Variants in RNF32 observed in about 807,000 individuals in gnomAD.
The protein encoded by RNF32 is ring finger protein 32.
A neutral mutation model predicts 41.0 loss-of-function variants in RNF32; 36 were observed. The observed-to-expected ratio is 0.88, with a 90% confidence interval of 0.67 to 1.16. The LOEUF is 1.16. Ranked by LOEUF, RNF32 falls within the 50% of genes most tolerant of loss-of-function variation. The pLI, the probability that RNF32 is intolerant of heterozygous loss-of-function variation, is 0.00. For missense variants in RNF32, 413 were observed against 436.7 expected, an observed-to-expected ratio of 0.95 and a Z score of 0.48; for synonymous variants, 154 against 160.9, an observed-to-expected ratio of 0.96 and a Z score of 0.32.
intron 3 of RNF32, among the ~76,000 whole-genome samples, chr7:156,653,798 G>A (rs752960354): frequency 5.3e-5 from 8 of 152,174 alleles, no homozygotes; most frequent in Non-Finnish European, 7.3e-5. Context: ...TATTCTGACC[G>A]TGATGATACG....
At chr7:156,642,623 G>C (rs1433574525) in intron 1 of RNF32, among the ~76,000 whole-genome samples, 1 of 152,232 alleles carries the variant, frequency 6.6e-6, no homozygotes, top group Non-Finnish European at 1.5e-5. Flanking sequence ...GCTTATTCCA[G>C]TTCAGGGTGG....
At chr7:156,661,294 G>A (rs1487637330) in intron 7 of RNF32, among the ~76,000 whole-genome samples, 1 of 151,366 alleles carries the variant, frequency 6.6e-6, no homozygotes, top group Non-Finnish European at 1.5e-5. Flanking sequence ...GCCAAGAGGG[G>A]GTTCGTTCTG....
intron 7 of RNF32, among the ~76,000 whole-genome samples, chr7:156,662,238 T>C (rs143940463): frequency 6.6e-6 from 1 of 152,298 alleles, no homozygotes; most frequent in African/African-American, 2.4e-5. Flanking sequence ...ACCTCACCAT[T>C]TGATGCTTTT....
At chr7:156,654,294 A>C in intron 3 of RNF32, 1 of 269,406 alleles carries the variant, frequency 3.7e-6, no homozygotes. Flanking sequence ...TAGCACTTGC[A>C]TTAGGAATTA....
chr7:156,665,002 A>T (rs757652211), intron 7 of RNF32, among the ~76,000 whole-genome samples: 6 of 152,218 alleles, frequency 3.9e-5, no homozygotes, highest in Non-Finnish European at 8.8e-5. Context: ...AGCTTCTAGA[A>T]ATCAGATTAA....
chr7:156,646,332 C>A (rs1425320504), intron 3 of RNF32: 2 of 1,031,532 alleles, frequency 1.9e-6, no homozygotes, highest in Non-Finnish European at 2.7e-6. Context: ...CCTAACTTAC[C>A]TTTCCCTGGT....
intron 7 of RNF32, among the ~76,000 whole-genome samples, chr7:156,672,523 A>T (rs1025198410): frequency 6.6e-6 from 1 of 152,188 alleles, no homozygotes. Flanking sequence ...ATTTCCATCT[A>T]AAGTGTTTGA....
At chr7:156,675,969 G>C (rs1803870683) in intron 8 of RNF32, 106 bp downstream of exon 8, 2 of 1,183,476 alleles carry the variant, frequency 1.7e-6, no homozygotes, top group African/African-American at 1.5e-5. Flanking sequence ...GGGGAGCCTA[G>C]GAGTGTCAGG....
At chr7:156,654,339 A>T in intron 3 of RNF32, 1 of 407,462 alleles carries the variant, frequency 2.5e-6, no homozygotes, top group Non-Finnish European at 4.4e-6. Context: ...ATACAGGAGG[A>T]TATGCATGGG....
chr7:156,643,802 A>C lies in RNF32; in HGVS notation c.-76A>C, dbSNP rs1392137683. On this transcript the variant is annotated splice_region_variant and 5_prime_UTR_variant, in exon 2 of 9. Transcript: ENST00000317955. ...TTTCTGTTGACCACGTCTTTGCAGC[A>C]GAAGAATAGAAGGAAGGTGATAGGA... The C allele has an allele frequency of 1.5e-6, 2 of 1,343,796 alleles. No homozygotes were observed. Among genetic ancestry groups the C allele is most frequent in the Non-Finnish European group, 2.1e-6 (2 of 937,822 alleles). 83.2% of individuals were successfully genotyped at this position (1,343,796 alleles called of 1,614,324 possible).
chr7:156,640,360 T>A (rs756279685), upstream of RNF32: 35 of 444,802 alleles, frequency 7.9e-5, no homozygotes, highest in Non-Finnish European at 1.4e-4. Context: ...GGAGCGTGGC[T>A]GCGCCCACAA....
intron 3 of RNF32, among the ~76,000 whole-genome samples, chr7:156,648,149 G>A (rs759705548): frequency 5.3e-5 from 8 of 151,798 alleles, no homozygotes; most frequent in South Asian, 2.1e-4. Flanking sequence ...ATTTTAAACC[G>A]AAAAGTTAGA....
chr7:156,660,352 C>T (rs1000804997), intron 7 of RNF32: 1 of 934,978 alleles, frequency 1.1e-6, no homozygotes, highest in African/African-American at 1.8e-5. Context: ...GCTATTCTAG[C>T]TTGTATATTA....
At chr7:156,649,494 A>C (rs1463701537) in intron 3 of RNF32, among the ~76,000 whole-genome samples, 1 of 151,888 alleles carries the variant, frequency 6.6e-6, no homozygotes, top group Non-Finnish European at 1.5e-5. Flanking sequence ...CCTTAGCCTA[A>C]CACGTTTCAT....
intron 8 of RNF32, chr7:156,676,105 G>T (rs1585140480): frequency 1.3e-6 from 1 of 797,088 alleles, no homozygotes; most frequent in African/African-American, 1.7e-5. Flanking sequence ...ACCTGTGGTA[G>T]GACTTTCCTC....
chr7:156,649,258 T>C (rs1248386938), intron 3 of RNF32, among the ~76,000 whole-genome samples: 2 of 152,204 alleles, frequency 1.3e-5, no homozygotes, highest in East Asian at 3.8e-4. Flanking sequence ...ATTTACAGTG[T>C]TATCATCTGA....
intron 4 of RNF32, among the ~76,000 whole-genome samples, chr7:156,656,142 G>A (rs1366382680): frequency 6.6e-6 from 1 of 152,156 alleles, no homozygotes; most frequent in Non-Finnish European, 1.5e-5. Flanking sequence ...ATTCCGTATA[G>A]TAGGCATTCT....
chr7:156,676,618 G>A lies in RNF32; in HGVS notation c.1052G>A (p.Cys351Tyr). The stretch of plus-strand genomic sequence containing the variant: ...CCTCCTTTCCATGCCTGTCCTCTCT[G>A]CCGCTCCTGCTACCAGAAGAAGATT... ...DRPPFHACPLCRSCYQKKILE... is the reference protein window; with the variant it reads ...DRPPFHACPLYRSCYQKKILE... The change falls in exon 9 of 9, where the codon TGC (cysteine) becomes TAC (tyrosine). Residue 351 changes from cysteine (C) to tyrosine (Y), a missense_variant. By Grantham distance (194) the Cys-to-Tyr change is radical. Transcript: ENST00000317955. 6.2e-7 allele frequency: 1 copy of A among 1,614,106 alleles called. No individual in the cohort carries two copies. The highest frequency in any genetic ancestry group is 8.5e-7 in the Non-Finnish European group (1 of 1,179,958).
intron 7 of RNF32, among the ~76,000 whole-genome samples, chr7:156,675,469 G>C (rs1346850841): frequency 6.6e-6 from 1 of 152,126 alleles, no homozygotes; most frequent in East Asian, 1.9e-4. Flanking sequence ...CCGTATTTTG[G>C]GGTAGTGTGT....
Sources: gnomAD v4.1 joint callset for allele counts (sites outside exome capture counted in the v4.1 genomes callset) on GRCh38, gnomAD v4.1.1 for gene constraint, MANE v1.5 for transcripts, NCBI Gene and HGNC (gene_info 2026-07-23, HGNC 2026-07-21) for gene names.